The following GDF1 variants were observed in gnomAD, a reference collection of about 807,000 sequenced individuals.
GDF1 encodes embryonic growth/differentiation factor 1.
In GDF1, 8 loss-of-function variants were observed where a neutral mutation model predicts 7.4. The observed-to-expected ratio is 1.09, with a 90% CI of 0.64 to 1.96. The LOEUF (loss-of-function observed/expected upper bound fraction) is 1.96, where lower values mean the gene tolerates loss of function less well. GDF1 is among the 30% of genes most tolerant of loss of function. The probability of loss-of-function intolerance (pLI) is 0.00; values close to 1 mark genes in which losing one functional copy is unlikely to be tolerated. For missense variants in GDF1, 574 were observed against 551.5 expected, an observed-to-expected ratio of 1.04 and a Z score of -0.41; for synonymous variants, 311 against 276.7, an observed-to-expected ratio of 1.12 and a Z score of -1.23.
chr19:18,892,975 G>C (rs2056530047), intron 2 of GDF1, among the ~76,000 whole-genome samples: 1 of 152,022 alleles, frequency 6.6e-6, no homozygotes, highest in African/African-American at 2.4e-5. Context: ...GGAGTGCAGT[G>C]GCGCGAACTC....
In GDF1 at chr19:18,884,285, TCA is replaced by T. The variant is rs753725560; in HGVS notation, c.-913-20_-913-19del. On this transcript the variant is annotated intron_variant, in intron 2 of 7. Transcript: ENST00000247005. ...CGTCCAGTCTGGGGAGAGCCAAATC[TCA>T]CAGTCAGGGCCCTGCGAAGCCTCTA... 104 of 1,603,392 alleles carry T rather than the reference TCA, an allele frequency of 6.5e-5. No individual in the cohort carries two copies. The South Asian group carries it at 1.1e-3, about 17-fold the overall frequency.
chr19:18,870,152 G>A lies in GDF1; in HGVS notation c.156C>T (p.Ala52=). ...CCGGGGGAACCGGCCGGAGCCTGGG[G>A]GCACCCTGGGGCTCATCGCGCAGTC... ...ALGLRDEPQG[A]PRLRPVPPVM... Residue 52 remains alanine, a synonymous_variant, in exon 7 of 8, where the codon GCC becomes GCT. Transcript: ENST00000247005. This position sits in a 1 kb window ranked among gnomAD's most constrained non-coding sequence, Gnocchi z 5.1. The A allele has an allele frequency of 3.2e-6, 5 of 1,559,858 alleles. No individual in the cohort carries two copies. The highest frequency in any genetic ancestry group is 4.3e-6 in the Non-Finnish European group (5 of 1,157,890).
rs1236420144 is a variant in GDF1, at chr19:18,895,844, C to T, written c.-1094G>A. On this transcript the variant is annotated 5_prime_UTR_variant, in exon 1 of 8. Transcript: ENST00000247005. The surrounding 1 kb of genome is among the most constrained non-coding windows in gnomAD (Gnocchi z 6.4). ...CTGACCCGAAAGAGGCGCGCAGTGG[C>T]CGCGGAGCGCAGGGCGGTCCAGCCC... 2 of 1,295,958 alleles carry T rather than the reference C, an allele frequency of 1.5e-6. No individual in the cohort carries two copies. The highest frequency in any genetic ancestry group is 9.8e-7 in the Non-Finnish European group (1 of 1,021,582). The allele number at this position is 1,295,958 out of a possible 1,614,324, so 80.3% of individuals were successfully genotyped here.
At chr19:18,869,908 C>T in intron 7 of GDF1, 75 bp downstream of exon 7, 1 of 1,441,756 alleles carries the variant, frequency 6.9e-7, no homozygotes, top group Non-Finnish European at 9.5e-7. Flanking sequence ...CTCGGGCATC[C>T]CCGGGCCACT....
chr19:18,885,560 C>T (rs1165129093), intron 2 of GDF1, among the ~76,000 whole-genome samples: 2 of 139,152 alleles, frequency 1.4e-5, no homozygotes, highest in African/African-American at 5.5e-5. Flanking sequence ...TGCTCTGTAG[C>T]CCAGGCTGGA....
rs139174485 is a variant in GDF1 at position 18,870,710 on chromosome 19, C to A, written c.-312-91G>T. ...CTTCTTCTCTGGCCGTTTCACACCC[C>A]CTGGCTCCTTTTACCCGGCCAGGCC... is the stretch of plus-strand genomic sequence containing the variant. On this transcript the variant is annotated intron_variant, in intron 6 of 7. Transcript: ENST00000247005. This position sits in a 1 kb window ranked among gnomAD's most constrained non-coding sequence, Gnocchi z 5.1. The A allele has an allele frequency of 5.0e-5, 24 of 482,776 alleles. No homozygotes were observed. The highest frequency in any genetic ancestry group is 4.3e-4 in the African/African-American group (21 of 48,918). The allele number at this position is 482,776 out of a possible 1,614,324, so 29.9% of individuals were successfully genotyped here.
intron 6 of GDF1, among the ~76,000 whole-genome samples, chr19:18,872,597 C>T (rs1440399888): frequency 9.2e-5 from 14 of 152,062 alleles, no homozygotes; most frequent in Admixed American, 9.2e-4. Context: ...CTCACTGCAA[C>T]CTCTGCATCC....
chr19:18,890,943 G>A (rs2056475696), intron 2 of GDF1, among the ~76,000 whole-genome samples: 1 of 152,024 alleles, frequency 6.6e-6, no homozygotes, highest in South Asian at 2.1e-4. Flanking sequence ...GGCCAACATG[G>A]TGAAACCTCG....
At chr19:18,888,523 A>C in intron 2 of GDF1, among the ~76,000 whole-genome samples, 1 of 145,834 alleles carries the variant, frequency 6.9e-6, no homozygotes, top group Admixed American at 6.9e-5. Context: ...GTCTCTTAAA[A>C]AAAAAAAAAA....
At position 18,891,393 on chromosome 19, in the gene GDF1, C is replaced by A. The variant is rs2056487421; in HGVS notation, c.-914+2023G>T. Among the ~76,000 whole-genome samples, 3 of 152,294 alleles carry A rather than the reference C, an allele frequency of 2.0e-5. No homozygotes were observed. The South Asian group carries it at 6.2e-4, about 32-fold the overall frequency. On this transcript the variant is annotated intron_variant, in intron 2 of 7. Transcript: ENST00000247005. ...CAGGGCAGAGAAGCCGCAGCCCCCA[C>A]TGCCCCATCGCAGATGGGGTTTCCT...
At chr19:18,887,613 C>T (rs1163083611) in intron 2 of GDF1, among the ~76,000 whole-genome samples, 1 of 151,840 alleles carries the variant, frequency 6.6e-6, no homozygotes, top group Non-Finnish European at 1.5e-5. Context: ...GGCATGGTGG[C>T]GCATGCCTGT....
Position 18,878,500 on chromosome 19 carries a change from G to A in GDF1, c.-313+430C>T. ...GATGTCTCGGCCCAGATGGAGCCTG[G>A]GTTCTCTCTGTGGCCCTTGGCGTTC... On this transcript the variant is annotated intron_variant, in intron 6 of 7. Transcript: ENST00000247005. The surrounding 1 kb of genome is among the most constrained non-coding windows in gnomAD (Gnocchi z 4.6). The A allele has an allele frequency of 1.0e-6, 1 of 1,001,494 alleles. No homozygotes were observed. The highest frequency in any genetic ancestry group is 1.2e-6 in the Non-Finnish European group (1 of 838,878). 62.0% of individuals were successfully genotyped at this position (1,001,494 alleles called of 1,614,324 possible).
Position 18,885,104 on chromosome 19 carries a change from A to C in GDF1, c.-913-837T>G, listed in dbSNP as rs1358002265. Among the ~76,000 whole-genome samples, 11 of 152,320 alleles carry C rather than the reference A, an allele frequency of 7.2e-5. No individual in the cohort carries two copies. In the South Asian group the frequency reaches 2.3e-3, roughly 32 times the overall value. Reference sequence around the variant, plus strand: ...AAGTTCCTTTCTTTCTTCTGCCCCAACATACCCACAGATTTCCATTTCCCT... The same window carrying C: ...AAGTTCCTTTCTTTCTTCTGCCCCACCATACCCACAGATTTCCATTTCCCT... On this transcript the variant is annotated intron_variant, in intron 2 of 7. Coordinates refer to ENST00000247005, the MANE Select transcript of GDF1 (RefSeq NM_001492.6).
Position 18,895,928 on chromosome 19 carries a change from G to C in GDF1, c.-1178C>G. 1.7e-6 allele frequency: 2 copies of C among 1,211,040 alleles called. No homozygotes were observed. Among genetic ancestry groups the C allele is most frequent in the Non-Finnish European group, 1.0e-6 (1 of 972,192 alleles). The allele number at this position is 1,211,040 out of a possible 1,614,324, so 75.0% of individuals were successfully genotyped here. A position where few individuals can be genotyped will look rare whatever the true frequency, so the allele number is the denominator to read the frequency against. ...GGCGCCAGGTGCGCGTGCTCAGCCA[G>C]GCCGCGACGCGCCAGCCCCCAGCCG... On this transcript the variant is annotated 5_prime_UTR_variant, in exon 1 of 8. Transcript: ENST00000247005. This position sits in a 1 kb window ranked among gnomAD's most constrained non-coding sequence, Gnocchi z 6.4.
chr19:18,878,575 A>G lies in GDF1; in HGVS notation c.-313+355T>C. ...CAGCTCCAGTGGCGACATGGGTCAG[A>G]GGTCGTCATCCAGGCTGGCCAGCAA... is the stretch of plus-strand genomic sequence containing the variant. On this transcript the variant is annotated intron_variant, in intron 6 of 7. Coordinates refer to ENST00000247005, the MANE Select transcript of GDF1 (RefSeq NM_001492.6). The surrounding 1 kb of genome is among the most constrained non-coding windows in gnomAD (Gnocchi z 4.6). 28 of 1,088,886 alleles carry G rather than the reference A, an allele frequency of 2.6e-5. No homozygotes were observed. Among genetic ancestry groups the G allele is most frequent in the Non-Finnish European group, 3.0e-5 (27 of 890,896 alleles). The allele number at this position is 1,088,886 out of a possible 1,614,324, so 67.5% of individuals were successfully genotyped here.
At chr19:18,877,989 G>C in intron 6 of GDF1, 1 of 985,474 alleles carries the variant, frequency 1.0e-6, no homozygotes. Context: ...TCCAAACAGG[G>C]TGGGGGGTCT....
At chr19:18,871,741 T>C (rs2055974583) in intron 6 of GDF1, among the ~76,000 whole-genome samples, 1 of 152,244 alleles carries the variant, frequency 6.6e-6, no homozygotes, top group Non-Finnish European at 1.5e-5. Flanking sequence ...ATCCAAGGAC[T>C]GTTGGTCTTT....
chr19:18,870,420 C>A lies in GDF1; in HGVS notation c.-113G>T. On this transcript the variant is annotated 5_prime_UTR_variant, in exon 7 of 8. Coordinates refer to ENST00000247005, the MANE Select transcript of GDF1 (RefSeq NM_001492.6). The surrounding 1 kb of genome is among the most constrained non-coding windows in gnomAD (Gnocchi z 5.1). The stretch of plus-strand genomic sequence containing the variant: ...GGGCAGGGGTCCTGGGGGGCGTGGC[C>A]GGGAACTGGAGGCAGGATGAGGGGG... The A allele has an allele frequency of 1.1e-6, 1 of 911,312 alleles. No homozygotes were observed. 56.5% of individuals were successfully genotyped at this position (911,312 alleles called of 1,614,324 possible). A position where few individuals can be genotyped will look rare whatever the true frequency, so the allele number is the denominator to read the frequency against.
At chr19:18,884,359 C>A in intron 2 of GDF1, 92 bp from the exon 3 acceptor site, 1 of 1,167,480 alleles carries the variant, frequency 8.6e-7, no homozygotes, top group Non-Finnish European at 1.2e-6. Context: ...CCACACGTGT[C>A]CTCCCAGTAC....
Sources: allele counts gnomAD v4.1 joint callset (sites outside exome capture counted in the v4.1 genomes callset), GRCh38; gene constraint gnomAD v4.1.1; non-coding constraint Gnocchi (gnomAD v3.1); transcripts MANE v1.5; gene names NCBI Gene and HGNC (gene_info 2026-07-23, HGNC 2026-07-21).